The following GABBR2 variants were observed in gnomAD, a reference collection of about 807,000 sequenced individuals.
GABBR2 encodes gamma-aminobutyric acid type B receptor subunit 2, also known as G-protein coupled receptor 51.
In GABBR2, 23 loss-of-function variants were observed where a neutral mutation model predicts 105.6. The observed-to-expected ratio is 0.22, with a 90% CI of 0.16 to 0.31. The LOEUF is 0.31. Among genes scored for constraint, GABBR2 ranks in the 10% least tolerant of loss-of-function variants. GABBR2 has a pLI of 1.00. For missense variants in GABBR2, 734 were observed against 1,245.5 expected, an observed-to-expected ratio of 0.59 and a Z score of 6.18; for synonymous variants, 478 against 499.7, an observed-to-expected ratio of 0.96 and a Z score of 0.58.
intron 13 of GABBR2, among the ~76,000 whole-genome samples, chr9:98,361,760 T>C (rs112285736): frequency 6.6e-6 from 1 of 152,196 alleles, no homozygotes; most frequent in Admixed American, 6.5e-5. Context: ...TGGAGGGACA[T>C]AGTTCTCAAT....
At chr9:98,459,521 A>G (rs1419057565) in intron 6 of GABBR2, among the ~76,000 whole-genome samples, 2 of 152,224 alleles carry the variant, frequency 1.3e-5, no homozygotes, top group South Asian at 2.1e-4. Flanking sequence ...CTACCAAGGT[A>G]GCAAGACTTG....
intron 3 of GABBR2, among the ~76,000 whole-genome samples, chr9:98,507,249 G>A (rs563951035): frequency 6.6e-6 from 1 of 152,186 alleles, no homozygotes; most frequent in Admixed American, 6.5e-5. Flanking sequence ...ACAGGATGAA[G>A]TTAAGGATGT....
intron 2 of GABBR2, among the ~76,000 whole-genome samples, chr9:98,565,067 G>A (rs538196720): frequency 6.6e-6 from 1 of 152,280 alleles, no homozygotes; most frequent in South Asian, 2.1e-4. Context: ...AGCATGAGGG[G>A]AAAGGACCAG....
At chr9:98,631,848 T>A (rs751065651) in intron 1 of GABBR2, among the ~76,000 whole-genome samples, 1 of 152,210 alleles carries the variant, frequency 6.6e-6, no homozygotes, top group African/African-American at 2.4e-5. Context: ...TATGCATGCA[T>A]TCAACTAGCA....
intron 6 of GABBR2, among the ~76,000 whole-genome samples, chr9:98,465,120 C>CAAAAAAAAAAAAAAAAAA (rs1826519056): frequency 3.7e-4 from 1 of 2,710 alleles, no homozygotes; most frequent in African/African-American, 1.3e-3. Flanking sequence ...TCAATAAATA[C>CAAAAAAAAAAAAAAAAAA]TAAAAAAAAA....
At chr9:98,434,756 G>C (rs764040154) in intron 7 of GABBR2, among the ~76,000 whole-genome samples, 3 of 152,166 alleles carry the variant, frequency 2.0e-5, no homozygotes, top group African/African-American at 7.2e-5. Flanking sequence ...CAAAGATCTG[G>C]CAATAAGATG....
At chr9:98,313,334 T>C (rs1588094759) in intron 13 of GABBR2, among the ~76,000 whole-genome samples, 2 of 152,206 alleles carry the variant, frequency 1.3e-5, no homozygotes, top group African/African-American at 4.8e-5. Context: ...ATGTAGGCAC[T>C]TGATGGTCTC....
rs568458238 is a variant in GABBR2 at position 98,479,592 on chromosome 9, A to T, written c.798+1340T>A. Among the ~76,000 whole-genome samples the T allele has an allele frequency of 3.3e-5, 5 of 152,334 alleles. No homozygotes were observed. The South Asian group carries it at 1.0e-3, about 32-fold the overall frequency. ...GCTCCTGAGCCTTCAGGTTCAAATA[A>T]CCACACGTGACCACGGCTTGCAGCC... On this transcript the variant is annotated intron_variant, in intron 5 of 18. Coordinates refer to ENST00000259455, the MANE Select transcript of GABBR2 (RefSeq NM_005458.8).
intron 13 of GABBR2, among the ~76,000 whole-genome samples, chr9:98,329,140 A>C (rs1458002124): frequency 6.6e-6 from 1 of 152,228 alleles, no homozygotes; most frequent in Non-Finnish European, 1.5e-5. Flanking sequence ...ATGCACTCAG[A>C]AAAGGTTTCA....
rs1830546086 is a variant in GABBR2 at position 98,306,059 on chromosome 9, C to T, written c.2229+62G>A. ...AACCTTTTAGAGAATGGAGAAAAGCCAGCAATGCCCCTGTGCTGGAGTCAG... is the reference window on the plus strand; with the variant it reads ...AACCTTTTAGAGAATGGAGAAAAGCTAGCAATGCCCCTGTGCTGGAGTCAG... On this transcript the variant is annotated intron_variant, in intron 15 of 18. Coordinates refer to ENST00000259455, the MANE Select transcript of GABBR2 (RefSeq NM_005458.8). The surrounding 1 kb of genome is among the most constrained non-coding windows in gnomAD (Gnocchi z 5.4). 4 of 1,083,252 alleles carry T rather than the reference C, an allele frequency of 3.7e-6. No individual in the cohort carries two copies. The Admixed American group carries it at 5.9e-5, about 16-fold the overall frequency. 67.1% of individuals were successfully genotyped at this position (1,083,252 alleles called of 1,614,324 possible).
intron 3 of GABBR2, among the ~76,000 whole-genome samples, chr9:98,531,631 G>A (rs1828069372): frequency 6.6e-6 from 1 of 152,254 alleles, no homozygotes; most frequent in Non-Finnish European, 1.5e-5. Context: ...CTCTGCAGGG[G>A]TGGGTAGGAC....
At chr9:98,292,407 C>G (rs1282256883) in intron 18 of GABBR2, among the ~76,000 whole-genome samples, 1 of 152,208 alleles carries the variant, frequency 6.6e-6, no homozygotes, top group Non-Finnish European at 1.5e-5. Context: ...GGAGGCGAAT[C>G]AACTCATGGG....
At chr9:98,678,348 C>T (rs1004713383) in intron 1 of GABBR2, among the ~76,000 whole-genome samples, 1 of 152,184 alleles carries the variant, frequency 6.6e-6, no homozygotes, top group East Asian at 1.9e-4. Flanking sequence ...GCACCCTAAC[C>T]GCTTATTTAC....
chr9:98,567,107 G>A (rs1382211019), intron 2 of GABBR2, among the ~76,000 whole-genome samples: 2 of 152,212 alleles, frequency 1.3e-5, no homozygotes, highest in Admixed American at 1.3e-4. Context: ...AGTAGCGCGA[G>A]TGATTTATTT....
At chr9:98,302,860 T>G in intron 16 of GABBR2, 6 of 206,912 alleles carry the variant, frequency 2.9e-5, no homozygotes, top group Non-Finnish European at 4.8e-5. Context: ...ATCACATAGA[T>G]GTGGTGGTTG....
At chr9:98,571,898 C>T (rs1828838057) in intron 2 of GABBR2, among the ~76,000 whole-genome samples, 1 of 152,190 alleles carries the variant, frequency 6.6e-6, no homozygotes, top group Non-Finnish European at 1.5e-5. Flanking sequence ...GCACCAGAGA[C>T]CAGCAAAATC....
At chr9:98,472,148 G>A (rs1264648716) in intron 6 of GABBR2, among the ~76,000 whole-genome samples, 3 of 152,148 alleles carry the variant, frequency 2.0e-5, no homozygotes, top group African/African-American at 7.2e-5. Flanking sequence ...CCTGGGGGTT[G>A]AGTGAATAAT....
intron 1 of GABBR2, among the ~76,000 whole-genome samples, chr9:98,660,516 T>C (rs531942727): frequency 1.7e-3 from 254 of 152,322 alleles, no homozygotes; most frequent in Non-Finnish European, 3.1e-3. Context: ...CAATTGTATA[T>C]ATTCTTTGGT....
At chr9:98,382,183 C>A (rs113273839) in intron 11 of GABBR2, among the ~76,000 whole-genome samples, 2 of 152,080 alleles carry the variant, frequency 1.3e-5, no homozygotes, top group African/African-American at 4.8e-5. Context: ...GGCAGAGTGG[C>A]CCCCGGGAAG....
Sources: gnomAD v4.1 joint callset for allele counts (sites outside exome capture counted in the v4.1 genomes callset) on GRCh38, gnomAD v4.1.1 for gene constraint, Gnocchi (gnomAD v3.1) non-coding constraint, MANE v1.5 for transcripts, NCBI Gene and HGNC (gene_info 2026-07-23, HGNC 2026-07-21) for gene names.